The following FGGY variants were observed in gnomAD, a reference collection of about 807,000 sequenced individuals.
The protein encoded by FGGY is FGGY carbohydrate kinase domain containing.
FGGY carries 72 observed loss-of-function variants against 71.3 expected under a neutral mutation model. That is an observed-to-expected ratio of 1.01 (90% CI 0.84 to 1.23). The LOEUF (loss-of-function observed/expected upper bound fraction) is 1.23. Ranked by LOEUF, FGGY falls within the 50% of genes most tolerant of loss-of-function variation. The pLI, the probability that FGGY is intolerant of heterozygous loss-of-function variation, is 0.00. For synonymous variants in FGGY, 251 were observed against 250.3 expected, an observed-to-expected ratio of 1.00 and a Z score of -0.02; for missense variants, 668 against 682.3, an observed-to-expected ratio of 0.98 and a Z score of 0.23.
At chr1:59,363,100 A>T (rs1249007983) in intron 4 of FGGY, among the ~76,000 whole-genome samples, 1 of 152,208 alleles carries the variant, frequency 6.6e-6, no homozygotes, top group Non-Finnish European at 1.5e-5. Flanking sequence ...GAGGAAACTA[A>T]TGTTTACTAG....
intron 14 of FGGY, among the ~76,000 whole-genome samples, chr1:59,703,378 C>T (rs2097726343): frequency 6.6e-6 from 1 of 152,196 alleles, no homozygotes; most frequent in Non-Finnish European, 1.5e-5. Context: ...TCATTATACC[C>T]ATTTCATCTT....
intron 8 of FGGY, among the ~76,000 whole-genome samples, chr1:59,564,621 T>TA (rs1415763472): frequency 6.6e-6 from 1 of 152,216 alleles, no homozygotes; most frequent in East Asian, 1.9e-4. Flanking sequence ...ACTCCACACT[T>TA]ACTAGAATGG....
intron 6 of FGGY, among the ~76,000 whole-genome samples, chr1:59,487,838 C>G (rs2153579112): frequency 6.6e-6 from 1 of 152,128 alleles, no homozygotes; most frequent in East Asian, 1.9e-4. Flanking sequence ...CCTCCTCAGC[C>G]CAACTAACTG....
rs535727545 is a variant in FGGY, at chr1:59,510,457, G to A, written c.671-1854G>A. On this transcript the variant is annotated intron_variant, in intron 6 of 15. Coordinates refer to ENST00000303721, the MANE Select transcript of FGGY (RefSeq NM_018291.5). ...CATAATTAAGATATTGTCCAGAACC[G>A]TATTATACAAAGCCAAGGACACTGC... is the stretch of plus-strand genomic sequence containing the variant. Among the ~76,000 whole-genome samples, 19 of 152,284 alleles carry A rather than the reference G, an allele frequency of 1.2e-4. 1 individual carries two copies. Among genetic ancestry groups the A allele is most frequent in the South Asian group, 1.0e-3 (5 of 4,824 alleles).
intron 8 of FGGY, among the ~76,000 whole-genome samples, chr1:59,586,697 G>T (rs2096295396): frequency 1.3e-5 from 2 of 152,134 alleles, no homozygotes; most frequent in Admixed American, 6.5e-5. Context: ...GCAGGCTTGG[G>T]CAATTCAAAG....
At chr1:59,592,804 A>C (rs1161549920) in intron 8 of FGGY, among the ~76,000 whole-genome samples, 1 of 134,062 alleles carries the variant, frequency 7.5e-6, no homozygotes, top group Non-Finnish European at 1.5e-5. Context: ...GGGACGGGGG[A>C]GGGATAGCAT....
chr1:59,482,474 TTATATA>T (rs1003518175), intron 6 of FGGY, among the ~76,000 whole-genome samples: 1 of 151,806 alleles, frequency 6.6e-6, no homozygotes, highest in African/African-American at 2.4e-5. Context: ...GGCTGCATAT[TTATATA>T]TATATAAACA....
intron 5 of FGGY, among the ~76,000 whole-genome samples, chr1:59,444,001 G>C (rs1033184536): frequency 6.6e-6 from 1 of 152,214 alleles, no homozygotes; most frequent in Admixed American, 6.5e-5. Flanking sequence ...GGTCCAAGAA[G>C]CCAGAATCAT....
intron 7 of FGGY, among the ~76,000 whole-genome samples, chr1:59,546,738 G>T (rs1256456968): frequency 1.3e-5 from 2 of 151,720 alleles, no homozygotes; most frequent in African/African-American, 2.4e-5. Flanking sequence ...GTAGAGACAG[G>T]GTTTCACTGT....
chr1:59,503,620 A>ATAT (rs1558148301), intron 6 of FGGY, among the ~76,000 whole-genome samples: 3 of 134,152 alleles, frequency 2.2e-5, no homozygotes, highest in African/African-American at 9.6e-5. Context: ...TATATATATA[A>ATAT]AATATGTATT....
intron 7 of FGGY, among the ~76,000 whole-genome samples, chr1:59,525,339 A>G (rs568327531): frequency 6.6e-6 from 1 of 152,236 alleles, no homozygotes; most frequent in South Asian, 2.1e-4. Flanking sequence ...AAGTGGGTGG[A>G]ATGAGCCCAG....
At chr1:59,587,516 C>T (rs755084995) in intron 8 of FGGY, among the ~76,000 whole-genome samples, 1 of 152,138 alleles carries the variant, frequency 6.6e-6, no homozygotes, top group Non-Finnish European at 1.5e-5. Context: ...TGACCCCTGA[C>T]CCCCAAGCAG....
At chr1:59,691,080 G>T (rs2097583239) in intron 14 of FGGY, among the ~76,000 whole-genome samples, 3 of 152,150 alleles carry the variant, frequency 2.0e-5, no homozygotes, top group Admixed American at 6.5e-5. Context: ...GAACCTTTGG[G>T]AGGCCAATAC....
chr1:59,367,299 A>G (rs535375392), intron 4 of FGGY, among the ~76,000 whole-genome samples: 1 of 152,358 alleles, frequency 6.6e-6, no homozygotes, highest in East Asian at 1.9e-4. Context: ...CCATGCTTCC[A>G]GCGTCATATT....
intron 11 of FGGY, among the ~76,000 whole-genome samples, chr1:59,656,927 G>GA (rs1009220903): frequency 3.3e-5 from 5 of 152,064 alleles, no homozygotes; most frequent in African/African-American, 7.2e-5. Flanking sequence ...AGTTTCTGGG[G>GA]AAAAAAATTA....
intron 14 of FGGY, among the ~76,000 whole-genome samples, chr1:59,691,853 GC>G (rs930120976): frequency 5.9e-5 from 9 of 151,972 alleles, no homozygotes; most frequent in African/African-American, 1.9e-4. Flanking sequence ...AAAGATGAAG[GC>G]CTCACTTACT....
chr1:59,353,958 T>C (rs2053781127), intron 4 of FGGY, among the ~76,000 whole-genome samples: 1 of 152,140 alleles, frequency 6.6e-6, no homozygotes, highest in African/African-American at 2.4e-5. Context: ...AACAAGAAAA[T>C]AGATGAAAAT....
At chr1:59,545,095 T>C (rs1255881821) in intron 7 of FGGY, among the ~76,000 whole-genome samples, 3 of 152,170 alleles carry the variant, frequency 2.0e-5, no homozygotes, top group Non-Finnish European at 4.4e-5. Context: ...ATTCGCATAG[T>C]GTCTTATAAA....
At chr1:59,449,406 C>T (rs1442192660) in intron 5 of FGGY, among the ~76,000 whole-genome samples, 1 of 152,168 alleles carries the variant, frequency 6.6e-6, no homozygotes, top group Non-Finnish European at 1.5e-5. Context: ...GCCTCAGCCT[C>T]CTGAGTAGCT....
Sources: gnomAD v4.1 joint callset for allele counts (sites outside exome capture counted in the v4.1 genomes callset) on GRCh38, gnomAD v4.1.1 for gene constraint, MANE v1.5 for transcripts, NCBI Gene and HGNC (gene_info 2026-07-23, HGNC 2026-07-21) for gene names.